The following CNTN5 variants were observed in gnomAD, a reference collection of about 807,000 sequenced individuals.
CNTN5 encodes contactin-5.
A neutral mutation model predicts 129.1 loss-of-function variants in CNTN5; 77 were observed. The ratio of observed to expected loss-of-function variants is 0.60; its 90% CI spans 0.50 to 0.72. CNTN5 has a LOEUF of 0.72. Among genes scored for constraint, CNTN5 ranks in the 30% least tolerant of loss-of-function variants. The pLI, the probability that CNTN5 is intolerant of heterozygous loss-of-function variation, is 0.00. For missense variants in CNTN5, 1,478 were observed against 1,328.8 expected, an observed-to-expected ratio of 1.11 and a Z score of -1.75; for synonymous variants, 509 against 465.6, an observed-to-expected ratio of 1.09 and a Z score of -1.20.
intron 16 of CNTN5, among the ~76,000 whole-genome samples, chr11:100,255,128 A>G (rs1003978750): frequency 2.6e-5 from 4 of 152,218 alleles, no homozygotes; most frequent in Non-Finnish European, 5.9e-5. Flanking sequence ...CTACCAAGGA[A>G]AAAAGGAAGC....
intron 3 of CNTN5, among the ~76,000 whole-genome samples, chr11:99,814,824 T>A (rs190105608): frequency 1.3e-4 from 20 of 152,216 alleles, no homozygotes; most frequent in Admixed American, 1.2e-3. Flanking sequence ...GTCTCCAAAC[T>A]GAGTGATTAT....
rs1266608588 is a variant in CNTN5, at chr11:99,606,979, TA to T, written c.55+50714del. Among the ~76,000 whole-genome samples, 539 of 114,982 alleles carry T rather than the reference TA, an allele frequency of 4.7e-3. 5 individuals carry two copies. Among genetic ancestry groups the T allele is most frequent in the African/African-American group, 0.017 (506 of 30,020 alleles). 75.4% of individuals were successfully genotyped at this position (114,982 alleles called of 152,430 possible). ...GGATTAAAGATTTAAACGTTAGACC[TA>T]AAACCATAAAAACCCTAGAAGAAAA... On this transcript the variant is annotated intron_variant, in intron 3 of 24. Coordinates refer to ENST00000524871, the MANE Select transcript of CNTN5 (RefSeq NM_014361.4).
chr11:99,236,866 G>A (rs1444702301), intron 1 of CNTN5, among the ~76,000 whole-genome samples: 4 of 151,672 alleles, frequency 2.6e-5, no homozygotes, highest in Non-Finnish European at 2.9e-5. Flanking sequence ...GTTTGCTCTC[G>A]GAGTCTGCCC....
intron 6 of CNTN5, among the ~76,000 whole-genome samples, chr11:99,862,282 G>T (rs1948230193): frequency 6.6e-6 from 1 of 152,068 alleles, no homozygotes; most frequent in South Asian, 2.1e-4. Context: ...ATGATCTTTT[G>T]AACTTGAAAC....
At chr11:99,317,528 T>C (rs1379664531) in intron 1 of CNTN5, among the ~76,000 whole-genome samples, 1 of 151,956 alleles carries the variant, frequency 6.6e-6, no homozygotes, top group Non-Finnish European at 1.5e-5. Flanking sequence ...AAAAGCTCAT[T>C]TTGGGAACCT....
At chr11:99,324,712 G>T (rs1420144524) in intron 1 of CNTN5, among the ~76,000 whole-genome samples, 1 of 152,168 alleles carries the variant, frequency 6.6e-6, no homozygotes, top group Non-Finnish European at 1.5e-5. Context: ...CACAACTCAC[G>T]GTTACTGCAA....
chr11:100,099,205 C>G (rs1031571554), intron 13 of CNTN5, among the ~76,000 whole-genome samples: 1 of 152,048 alleles, frequency 6.6e-6, no homozygotes, highest in Non-Finnish European at 1.5e-5. Flanking sequence ...GCAACTGGCC[C>G]AAGTTCACAC....
chr11:99,272,123 A>AG (rs1480004984), intron 1 of CNTN5, among the ~76,000 whole-genome samples: 1 of 151,906 alleles, frequency 6.6e-6, no homozygotes, highest in African/African-American at 2.4e-5. Flanking sequence ...TTTGTTCACA[A>AG]GAAAACTGAG....
At chr11:99,857,730 C>T (rs1257635454) in intron 6 of CNTN5, among the ~76,000 whole-genome samples, 1 of 151,910 alleles carries the variant, frequency 6.6e-6, no homozygotes, top group Admixed American at 6.6e-5. Context: ...AGGAAAGTTA[C>T]CTTTTTAAAA....
chr11:99,820,859 C>G (rs184234585), intron 4 of CNTN5, among the ~76,000 whole-genome samples: 2 of 152,118 alleles, frequency 1.3e-5, no homozygotes, highest in Non-Finnish European at 2.9e-5. Context: ...AGATACATCT[C>G]GAAGGAACTA....
chr11:99,190,560 T>C (rs991701645), intron 1 of CNTN5, among the ~76,000 whole-genome samples: 4 of 151,622 alleles, frequency 2.6e-5, no homozygotes, highest in Non-Finnish European at 5.9e-5. Context: ...ATTTGTTTCT[T>C]CTTCTATTTT....
intron 8 of CNTN5, among the ~76,000 whole-genome samples, chr11:99,993,342 C>G (rs1396428837): frequency 6.6e-6 from 1 of 152,060 alleles, no homozygotes; most frequent in East Asian, 1.9e-4. Flanking sequence ...GGACCTTGGG[C>G]CAGTTACTTG....
At chr11:99,628,061 C>T (rs901523811) in intron 3 of CNTN5, among the ~76,000 whole-genome samples, 28 of 151,678 alleles carry the variant, frequency 1.8e-4, no homozygotes, top group Non-Finnish European at 3.2e-4. Flanking sequence ...AGGCAAAAGT[C>T]TTAATGTATT....
At chr11:99,997,655 T>C (rs1939545714) in intron 8 of CNTN5, among the ~76,000 whole-genome samples, 1 of 152,110 alleles carries the variant, frequency 6.6e-6, no homozygotes, top group Admixed American at 6.5e-5. Context: ...ACTCACTTTA[T>C]GAGGCCAGCA....
At chr11:100,207,335 A>C (rs561080959) in intron 15 of CNTN5, among the ~76,000 whole-genome samples, 1 of 152,300 alleles carries the variant, frequency 6.6e-6, no homozygotes, top group African/African-American at 2.4e-5. Flanking sequence ...AACTAGCATA[A>C]GCTAAGGTAA....
chr11:99,039,716 C>T (rs1258127301), intron 1 of CNTN5, among the ~76,000 whole-genome samples: 4 of 152,086 alleles, frequency 2.6e-5, no homozygotes, highest in African/African-American at 9.7e-5. Context: ...TGTGTACTTG[C>T]TCCTGAGCAT....
chr11:99,398,014 T>TGA (rs1941615314), intron 2 of CNTN5, among the ~76,000 whole-genome samples: 2 of 151,868 alleles, frequency 1.3e-5, no homozygotes, highest in African/African-American at 4.8e-5. Flanking sequence ...TTCATACTGA[T>TGA]GTCTCCCAGT....
intron 1 of CNTN5, among the ~76,000 whole-genome samples, chr11:99,132,573 AAT>A (rs1859000441): frequency 6.6e-6 from 1 of 152,174 alleles, no homozygotes; most frequent in Non-Finnish European, 1.5e-5. Flanking sequence ...ATACACAATC[AAT>A]GTGCAGAAAT....
At chr11:100,286,411 G>A (rs1191746757) in intron 18 of CNTN5, among the ~76,000 whole-genome samples, 1 of 151,678 alleles carries the variant, frequency 6.6e-6, no homozygotes, top group East Asian at 2.0e-4. Context: ...GGAGATCTGA[G>A]AACGGGCAGA....
Sources: allele counts gnomAD v4.1 joint callset (sites outside exome capture counted in the v4.1 genomes callset), GRCh38; gene constraint gnomAD v4.1.1; transcripts MANE v1.5; gene names NCBI Gene and HGNC (gene_info 2026-07-23, HGNC 2026-07-21).